CMTM8: variants seen among roughly 807,000 people sequenced by gnomAD.
CMTM8 encodes the protein CKLF-like MARVEL transmembrane domain-containing protein 8.
A neutral mutation model predicts 18.6 loss-of-function variants in CMTM8; 12 were observed. The ratio of observed to expected loss-of-function variants is 0.65; its 90% CI spans 0.41 to 1.05. CMTM8 has a LOEUF of 1.05. CMTM8 is among the 50% of genes least tolerant of loss of function. CMTM8 has a pLI of 0.00. For missense variants in CMTM8, 217 were observed against 227.2 expected, an observed-to-expected ratio of 0.95 and a Z score of 0.29; for synonymous variants, 87 against 90.6, an observed-to-expected ratio of 0.96 and a Z score of 0.23.
At chr3:32,343,268 A>C (rs565875585) in intron 1 of CMTM8, among the ~76,000 whole-genome samples, 2 of 152,306 alleles carry the variant, frequency 1.3e-5, no homozygotes, top group East Asian at 3.9e-4. Context: ...TGAGTTAATC[A>C]ATCCAACACT....
chr3:32,334,609 A>G (rs560166382), intron 1 of CMTM8, among the ~76,000 whole-genome samples: 1 of 152,016 alleles, frequency 6.6e-6, no homozygotes, highest in Non-Finnish European at 1.5e-5. Flanking sequence ...CCATCTCAAA[A>G]AAAAAAAAGT....
In CMTM8 at chr3:32,365,342, G is replaced by A. The variant is rs528422917; in HGVS notation, c.322-2530G>A. On this transcript the variant is annotated intron_variant, in intron 2 of 3. Transcript: ENST00000307526. ...GAGAAAGAGAACATTTTTATACCAA[G>A]GAGGGATTGACTTTCAGAAAAGAGT... 8.2e-4 allele frequency among the ~76,000 whole-genome samples: 125 copies of A among 151,710 alleles called. 1 individual carries two copies. Among genetic ancestry groups the A allele is most frequent in the Non-Finnish European group, 9.7e-4 (66 of 67,914 alleles).
At chr3:32,265,566 A>C (rs1341720105) in intron 1 of CMTM8, among the ~76,000 whole-genome samples, 1 of 152,146 alleles carries the variant, frequency 6.6e-6, no homozygotes, top group Admixed American at 6.5e-5. Flanking sequence ...GAGCAAACAC[A>C]TTCAAAAGCT....
chr3:32,361,755 C>T (rs1193185591), intron 2 of CMTM8, among the ~76,000 whole-genome samples: 3 of 152,148 alleles, frequency 2.0e-5, no homozygotes, highest in East Asian at 3.9e-4. Context: ...CAGCAGAAAC[C>T]ACAGCTGGTT....
chr3:32,249,120 T>C (rs1490407058), intron 1 of CMTM8, among the ~76,000 whole-genome samples: 1 of 137,644 alleles, frequency 7.3e-6, no homozygotes, highest in Non-Finnish European at 1.5e-5. Flanking sequence ...AAAGGTAATG[T>C]GGAATCTTTA....
chr3:32,256,367 G>C (rs1350398199), intron 1 of CMTM8, among the ~76,000 whole-genome samples: 1 of 152,010 alleles, frequency 6.6e-6, no homozygotes, highest in Non-Finnish European at 1.5e-5. Context: ...ACTGTACCTG[G>C]CTGCATTCAG....
chr3:32,286,545 C>T (rs1702690109), intron 1 of CMTM8, among the ~76,000 whole-genome samples: 1 of 152,210 alleles, frequency 6.6e-6, no homozygotes, highest in South Asian at 2.1e-4. Flanking sequence ...GAAGGCTGCT[C>T]CTGTGGCCCA....
At chr3:32,310,406 T>G (rs745992238) in intron 1 of CMTM8, among the ~76,000 whole-genome samples, 1 of 152,312 alleles carries the variant, frequency 6.6e-6, no homozygotes, top group Non-Finnish European at 1.5e-5. Flanking sequence ...TGGAGATGCT[T>G]TAGAGATCTC....
chr3:32,366,435 G>T (rs958316243), intron 2 of CMTM8, among the ~76,000 whole-genome samples: 31 of 152,224 alleles, frequency 2.0e-4, no homozygotes, highest in African/African-American at 7.0e-4. Flanking sequence ...GGACGTCAGG[G>T]CAGTTCTGGC....
At chr3:32,280,476 A>G (rs887078730) in intron 1 of CMTM8, among the ~76,000 whole-genome samples, 10 of 152,126 alleles carry the variant, frequency 6.6e-5, no homozygotes, top group African/African-American at 2.4e-4. Flanking sequence ...GCCTTCTGCA[A>G]TCAATCAGAC....
chr3:32,273,129 A>ATTG (rs138455459), intron 1 of CMTM8, among the ~76,000 whole-genome samples: 6 of 142,930 alleles, frequency 4.2e-5, no homozygotes, highest in Non-Finnish European at 7.6e-5. Flanking sequence ...ATTGGAACAA[A>ATTG]TGTGTGTGTG....
chr3:32,354,148 A>T (rs1691990210), intron 1 of CMTM8, among the ~76,000 whole-genome samples: 1 of 141,536 alleles, frequency 7.1e-6, no homozygotes, highest in African/African-American at 2.6e-5. Context: ...TTTTGCCATT[A>T]AAAAAAAAAG....
chr3:32,367,868 C>CA lies in CMTM8; in HGVS notation c.322-4_322-3insA, dbSNP rs1289307491. 2 of 1,602,610 alleles carry CA rather than the reference C, an allele frequency of 1.2e-6. No individual in the cohort carries two copies. The highest frequency in any genetic ancestry group is 3.3e-5 in the Admixed American group (2 of 60,002). On this transcript the variant is annotated splice_polypyrimidine_tract_variant and splice_region_variant and intron_variant, in intron 2 of 3. Transcript: ENST00000307526. ...CTAAACACTCTGCCCCTGTGTCCCCCCAGGGCCTGTGCTTTAACGGCAGTG... is the reference window on the plus strand; with the variant it reads ...CTAAACACTCTGCCCCTGTGTCCCCCACAGGGCCTGTGCTTTAACGGCAGTG...
chr3:32,279,291 T>A (rs1198498260), intron 1 of CMTM8, among the ~76,000 whole-genome samples: 1 of 145,548 alleles, frequency 6.9e-6, no homozygotes, highest in Admixed American at 6.8e-5. Flanking sequence ...ACGTGTCATC[T>A]ATCATTAGGT....
intron 1 of CMTM8, among the ~76,000 whole-genome samples, chr3:32,248,810 A>G (rs1365059635): frequency 6.6e-6 from 1 of 151,926 alleles, no homozygotes; most frequent in Non-Finnish European, 1.5e-5. Context: ...AGCTAGGACT[A>G]CAGGTGTGGG....
chr3:32,343,257 A>G (rs2125590600), intron 1 of CMTM8, among the ~76,000 whole-genome samples: 1 of 152,330 alleles, frequency 6.6e-6, no homozygotes, highest in Non-Finnish European at 1.5e-5. Flanking sequence ...CATCTGTGAA[A>G]TGAGTTAATC....
chr3:32,274,038 G>T (rs531863835), intron 1 of CMTM8, among the ~76,000 whole-genome samples: 1 of 151,936 alleles, frequency 6.6e-6, no homozygotes, highest in Non-Finnish European at 1.5e-5. Context: ...AGCTGGGCAC[G>T]GTGGCTCACA....
chr3:32,317,748 A>G (rs1053017948), intron 1 of CMTM8, among the ~76,000 whole-genome samples: 10 of 152,154 alleles, frequency 6.6e-5, no homozygotes, highest in African/African-American at 2.4e-4. Flanking sequence ...AATACCAACT[A>G]TGTAGCAGTT....
At chr3:32,346,797 T>C (rs1696603246) in intron 1 of CMTM8, among the ~76,000 whole-genome samples, 2 of 150,958 alleles carry the variant, frequency 1.3e-5, no homozygotes, top group Admixed American at 1.3e-4. Context: ...GAAGCTTCCT[T>C]TCTCCATGTT....
Sources: gnomAD v4.1 joint callset for allele counts (sites outside exome capture counted in the v4.1 genomes callset) on GRCh38, gnomAD v4.1.1 for gene constraint, MANE v1.5 for transcripts, NCBI Gene and HGNC (gene_info 2026-07-23, HGNC 2026-07-21) for gene names.